CSMD2: variants seen among roughly 807,000 people sequenced by gnomAD.
The protein encoded by CSMD2 is CUB and sushi domain-containing protein 2.
In CSMD2, 130 loss-of-function variants were observed where a neutral mutation model predicts 398.5. That is an observed-to-expected ratio of 0.33 (90% CI 0.28 to 0.38). The LOEUF is 0.38. CSMD2 is among the 10% of genes least tolerant of loss of function. The pLI, the probability that CSMD2 is intolerant of heterozygous loss-of-function variation, is 1.00. For synonymous variants in CSMD2, 1,828 were observed against 1,908.5 expected (o/e 0.96, Z 1.10); for missense variants, 3,829 against 4,764.9 (o/e 0.80, Z 5.78).
chr1:33,866,041 C>G (rs1640008363), intron 5 of CSMD2, among the ~76,000 whole-genome samples: 1 of 152,212 alleles, frequency 6.6e-6, no homozygotes, highest in African/African-American at 2.4e-5. Flanking sequence ...CTCCCTAACT[C>G]CACCTCTAAG....
At chr1:33,737,039 T>C (rs1378948795) in intron 15 of CSMD2, among the ~76,000 whole-genome samples, 3 of 152,188 alleles carry the variant, frequency 2.0e-5, no homozygotes, top group Admixed American at 6.5e-5. Flanking sequence ...GGGTTCTGCA[T>C]GGATGCTTTG....
intron 13 of CSMD2, among the ~76,000 whole-genome samples, chr1:33,767,218 T>C (rs1435362055): frequency 6.6e-6 from 1 of 152,148 alleles, no homozygotes; most frequent in African/African-American, 2.4e-5. Context: ...GAATGCAAAA[T>C]GGTATGCTCA....
chr1:33,608,852 G>A (rs1188297922), intron 41 of CSMD2, among the ~76,000 whole-genome samples: 2 of 152,174 alleles, frequency 1.3e-5, no homozygotes, highest in Admixed American at 6.5e-5. Flanking sequence ...GTAAGTTTCC[G>A]TTGTTTAAGC....
chr1:34,076,741 C>A (rs1656373558), intron 2 of CSMD2, among the ~76,000 whole-genome samples: 1 of 151,096 alleles, frequency 6.6e-6, no homozygotes, highest in Non-Finnish European at 1.5e-5. Flanking sequence ...GATCAACTAA[C>A]CTATAAGGTA....
chr1:33,762,022 A>G (rs1445495649), intron 13 of CSMD2, among the ~76,000 whole-genome samples: 11 of 152,322 alleles, frequency 7.2e-5, no homozygotes, highest in Non-Finnish European at 1.5e-5. Flanking sequence ...GGAAGGGCCA[A>G]TCAACACAAG....
chr1:34,124,166 C>A (rs1459833353), intron 1 of CSMD2, among the ~76,000 whole-genome samples: 1 of 152,188 alleles, frequency 6.6e-6, no homozygotes, highest in Non-Finnish European at 1.5e-5. Flanking sequence ...TAGAAGATGG[C>A]ACCATTTATC....
chr1:33,825,638 C>T (rs1658713577), intron 7 of CSMD2, 59 bp downstream of exon 7: 3 of 1,439,560 alleles, frequency 2.1e-6, no homozygotes, highest in Middle Eastern at 1.8e-4. Context: ...CGGTTTAGTG[C>T]CTGCACGTGT....
chr1:33,617,005 G>C (rs2148857898), intron 38 of CSMD2, 30 bp from the exon 39 acceptor site: 1 of 1,590,942 alleles, frequency 6.3e-7, no homozygotes, highest in Admixed American at 1.7e-5. Context: ...GGATGGGCTA[G>C]CTGTCCCCGT....
chr1:33,680,351 A>G (rs1644866107), intron 25 of CSMD2, among the ~76,000 whole-genome samples: 1 of 152,074 alleles, frequency 6.6e-6, no homozygotes. Context: ...TGTGGGCACC[A>G]GCTCATAGCT....
chr1:34,136,584 C>A (rs920930932), intron 1 of CSMD2, among the ~76,000 whole-genome samples: 6 of 152,168 alleles, frequency 3.9e-5, no homozygotes, highest in Non-Finnish European at 5.9e-5. Context: ...GTTAGAGAAA[C>A]TTCCTTGGGA....
intron 3 of CSMD2, among the ~76,000 whole-genome samples, chr1:33,949,839 C>T (rs1382788512): frequency 6.6e-6 from 1 of 152,188 alleles, no homozygotes; most frequent in Non-Finnish European, 1.5e-5. Context: ...CCAGCCCAGA[C>T]CTTCCTCCTG....
In CSMD2 at chr1:33,567,167, T is replaced by C. The variant is rs143216228; in HGVS notation, c.8380+426A>G. ...AAAATTTTCTATGTAAAAGGGGAAA[T>C]CAATACCAAAATTACAGAATTTCTA... is the stretch of plus-strand genomic sequence containing the variant. On this transcript the variant is annotated intron_variant, in intron 53 of 70. Transcript: ENST00000373381. Among the ~76,000 whole-genome samples, 182 of 151,626 alleles carry C rather than the reference T, an allele frequency of 1.2e-3. 3 individuals are homozygous for C. The East Asian group carries it at 0.027, about 23-fold the overall frequency.
At chr1:34,013,784 C>G (rs1043634737) in intron 3 of CSMD2, among the ~76,000 whole-genome samples, 1 of 152,136 alleles carries the variant, frequency 6.6e-6, no homozygotes, top group Non-Finnish European at 1.5e-5. Context: ...GTCTCTGCTC[C>G]CTTGCGAGGT....
intron 3 of CSMD2, among the ~76,000 whole-genome samples, chr1:33,955,048 C>T (rs1645121434): frequency 1.3e-5 from 2 of 152,030 alleles, no homozygotes; most frequent in South Asian, 2.1e-4. Context: ...CATTTATCAC[C>T]CGTGGACCCT....
At chr1:33,987,129 C>T (rs565639003) in intron 3 of CSMD2, among the ~76,000 whole-genome samples, 1 of 152,202 alleles carries the variant, frequency 6.6e-6, no homozygotes, top group Admixed American at 6.5e-5. Context: ...TAGAAGACAG[C>T]CTTGAATGGT....
intron 27 of CSMD2, among the ~76,000 whole-genome samples, chr1:33,656,219 C>T (rs1643941676): frequency 6.6e-6 from 1 of 152,168 alleles, no homozygotes; most frequent in Non-Finnish European, 1.5e-5. Context: ...GGCGTGTCCT[C>T]ACCCCACAAT....
intron 25 of CSMD2, among the ~76,000 whole-genome samples, chr1:33,690,391 TCTC>T (rs1351093888): frequency 1.3e-5 from 2 of 152,118 alleles, no homozygotes; most frequent in African/African-American, 4.8e-5. Flanking sequence ...ACTTCTCCCA[TCTC>T]CTCCTGTCCT....
At chr1:34,143,953 A>G (rs1266342894) in intron 1 of CSMD2, among the ~76,000 whole-genome samples, 1 of 152,198 alleles carries the variant, frequency 6.6e-6, no homozygotes, top group Admixed American at 6.5e-5. Context: ...CTAACAATCC[A>G]CCTAGTTGAA....
intron 9 of CSMD2, among the ~76,000 whole-genome samples, chr1:33,818,230 A>G (rs1380277032): frequency 6.6e-6 from 1 of 152,228 alleles, no homozygotes; most frequent in Non-Finnish European, 1.5e-5. Flanking sequence ...CTCTCTGCAC[A>G]GCTGGTGTCT....
Sources: gnomAD v4.1 joint callset for allele counts (sites outside exome capture counted in the v4.1 genomes callset) on GRCh38, gnomAD v4.1.1 for gene constraint, MANE v1.5 for transcripts, NCBI Gene and HGNC (gene_info 2026-07-23, HGNC 2026-07-21) for gene names.